The following TAF2 variants were observed in gnomAD, a reference collection of about 807,000 sequenced individuals.
TAF2 encodes transcription initiation factor TFIID subunit 2.
Under a neutral mutation model 138.5 loss-of-function variants are expected in TAF2, and 61 were observed. The observed-to-expected ratio is 0.44, with a 90% CI of 0.36 to 0.54. TAF2 has a LOEUF of 0.54. Ranked by LOEUF, TAF2 falls within the 20% of genes least tolerant of loss-of-function variation. The probability of loss-of-function intolerance (pLI) is 0.00; values close to 1 mark genes in which losing one functional copy is unlikely to be tolerated. For missense variants in TAF2, 1,090 were observed against 1,427.9 expected (o/e 0.76, Z 3.81); for synonymous variants, 475 against 469.9 (o/e 1.01, Z -0.14).
At chr8:119,792,063 T>C (rs1441161630) in intron 10 of TAF2, among the ~76,000 whole-genome samples, 1 of 152,126 alleles carries the variant, frequency 6.6e-6, no homozygotes, top group Non-Finnish European at 1.5e-5. Flanking sequence ...AAATTATCAC[T>C]AGACCAAATA....
At chr8:119,740,194 G>A (rs201143138) in intron 25 of TAF2, among the ~76,000 whole-genome samples, 1 of 152,188 alleles carries the variant, frequency 6.6e-6, no homozygotes, top group South Asian at 2.1e-4. Context: ...GACTTGACTT[G>A]GGTTAGGCTA....
At chr8:119,736,516 A>T (rs1408628157) in intron 25 of TAF2, among the ~76,000 whole-genome samples, 1 of 152,240 alleles carries the variant, frequency 6.6e-6, no homozygotes, top group East Asian at 1.9e-4. Context: ...ACTGCTCACC[A>T]TTGGAGATTG....
At chr8:119,776,074 T>A (rs1382595896) in intron 18 of TAF2, among the ~76,000 whole-genome samples, 1 of 152,210 alleles carries the variant, frequency 6.6e-6, no homozygotes, top group African/African-American at 2.4e-5. Flanking sequence ...TAAAAAATGT[T>A]GGACTATCAT....
At chr8:119,781,734 C>T (rs1040051155) in intron 16 of TAF2, among the ~76,000 whole-genome samples, 8 of 150,978 alleles carry the variant, frequency 5.3e-5, no homozygotes, top group East Asian at 2.0e-4. Flanking sequence ...CTCGTTCTAT[C>T]GCTCAGGCTA....
chr8:119,822,940 C>G (rs1471145446), intron 2 of TAF2, among the ~76,000 whole-genome samples: 1 of 152,176 alleles, frequency 6.6e-6, no homozygotes, highest in Non-Finnish European at 1.5e-5. Flanking sequence ...ACTCCTCTGC[C>G]AACTACCAAT....
At chr8:119,779,357 TAAAAAA>T (rs1003148035) in intron 17 of TAF2, among the ~76,000 whole-genome samples, 4 of 150,264 alleles carry the variant, frequency 2.7e-5, no homozygotes, top group Middle Eastern at 3.4e-3. Context: ...CTGTTTTATT[TAAAAAA>T]AAAATAAAAA....
In TAF2 at chr8:119,740,013, C is replaced by T. The variant is rs546949105; in HGVS notation, c.3337+2521G>A. On this transcript the variant is annotated intron_variant, in intron 25 of 25. Transcript: ENST00000378164. ...GGCCAAAAAACCTCATTTGTGATCTCTAATCTAGAATCCCTAGAGACTGAA... is the reference window on the plus strand; with the variant it reads ...GGCCAAAAAACCTCATTTGTGATCTTTAATCTAGAATCCCTAGAGACTGAA... Among the ~76,000 whole-genome samples, 392 of 152,148 alleles carry T rather than the reference C, an allele frequency of 2.6e-3. 3 individuals carry two copies. The highest frequency in any genetic ancestry group is 9.0e-3 in the African/African-American group (373 of 41,502).
At position 119,788,770 on chromosome 8, in the gene TAF2, G is replaced by A. The variant is rs531681651; in HGVS notation, c.1683+20C>T. On this transcript the variant is annotated intron_variant, in intron 13 of 25. Coordinates refer to ENST00000378164, the MANE Select transcript of TAF2 (RefSeq NM_003184.4). The stretch of plus-strand genomic sequence containing the variant: ...ACTGAGGAGATAGCAGTACAAAGGC[G>A]ATTTTGGAAAAAGACTTACCACGTA... The A allele has an allele frequency of 1.5e-5, 24 of 1,563,490 alleles. No individual in the cohort carries two copies. The African/African-American group carries it at 2.6e-4, about 17-fold the overall frequency.
chr8:119,825,197 G>T (rs923792711), intron 2 of TAF2, among the ~76,000 whole-genome samples: 1 of 152,260 alleles, frequency 6.6e-6, no homozygotes, highest in African/African-American at 2.4e-5. Context: ...GTGACATGGA[G>T]TCAAGGGAGA....
intron 2 of TAF2, among the ~76,000 whole-genome samples, chr8:119,828,659 C>A: frequency 6.6e-6 from 1 of 152,198 alleles, no homozygotes; most frequent in Non-Finnish European, 1.5e-5. Flanking sequence ...GGCCATACTA[C>A]CAGCTAAGGG....
intron 22 of TAF2, among the ~76,000 whole-genome samples, chr8:119,748,058 A>C (rs897837891): frequency 6.6e-6 from 1 of 151,682 alleles, no homozygotes; most frequent in East Asian, 2.0e-4. Context: ...CAGGAGGCAG[A>C]GGCTGCAGTG....
chr8:119,830,942 A>G (rs1184130143), intron 2 of TAF2, among the ~76,000 whole-genome samples: 2 of 152,100 alleles, frequency 1.3e-5, no homozygotes, highest in Non-Finnish European at 2.9e-5. Flanking sequence ...CTCTGACTCC[A>G]TTAAAAATAC....
At chr8:119,773,613 T>C (rs1411082762) in intron 18 of TAF2, among the ~76,000 whole-genome samples, 1 of 151,522 alleles carries the variant, frequency 6.6e-6, no homozygotes, top group Non-Finnish European at 1.5e-5. Context: ...TCAAGAAATA[T>C]GCCAAAAGTT....
chr8:119,783,567 A>G lies in TAF2; in HGVS notation c.1926T>C (p.Phe642=), dbSNP rs748394247. 1.2e-6 allele frequency: 2 copies of G among 1,614,218 alleles called. No homozygotes were observed. The highest frequency in any genetic ancestry group is 1.7e-6 in the Non-Finnish European group (2 of 1,180,030). The change falls in exon 16 of 26, where the codon TTT becomes TTC. Residue 642 remains phenylalanine, a synonymous_variant. Transcript: ENST00000378164. The part of the protein sequence containing the change: ...PDMSVLRKVE[F]EQADFMWQYQ... ...ACTGCCACATAAAATCAGCTTGCTC[A>G]AATTCTACCTTCCTCAATACTGACA...
chr8:119,828,618 G>A (rs80327250), intron 2 of TAF2, among the ~76,000 whole-genome samples: 1 of 152,206 alleles, frequency 6.6e-6, no homozygotes, highest in Non-Finnish European at 1.5e-5. Flanking sequence ...CACCGAAGGG[G>A]TGAAGAAATA....
chr8:119,811,920 G>A (rs1331836246), intron 3 of TAF2, among the ~76,000 whole-genome samples: 2 of 151,824 alleles, frequency 1.3e-5, no homozygotes, highest in African/African-American at 2.4e-5. Flanking sequence ...AAGCCTAGGG[G>A]TTTCACTGCT....
intron 6 of TAF2, among the ~76,000 whole-genome samples, 198 bp downstream of exon 6, chr8:119,801,596 T>G (rs573597665): frequency 6.6e-6 from 1 of 152,130 alleles, no homozygotes; most frequent in South Asian, 2.1e-4. Flanking sequence ...GCCTGGCTAA[T>G]TTTTTGTATT....
chr8:119,801,553 C>T (rs186272447), intron 6 of TAF2, among the ~76,000 whole-genome samples: 77 of 151,906 alleles, frequency 5.1e-4, no homozygotes, highest in African/African-American at 1.7e-3. Context: ...CTCAGCCTCC[C>T]GAGTAGCTGG....
At chr8:119,790,985 T>TG (rs71571630) in intron 11 of TAF2, among the ~76,000 whole-genome samples, 44,124 of 151,132 alleles carry the variant, frequency 0.29, 7,326 homozygotes, top group Admixed American at 0.48. Context: ...TTTTTTGAGA[T>TG]GGGGGGGGTC....
Sources: allele counts gnomAD v4.1 joint callset (sites outside exome capture counted in the v4.1 genomes callset), GRCh38; gene constraint gnomAD v4.1.1; transcripts MANE v1.5; gene names NCBI Gene and HGNC (gene_info 2026-07-23, HGNC 2026-07-21).